The following KPNA7 variants were observed in gnomAD, a reference collection of about 807,000 sequenced individuals.
The protein encoded by KPNA7 is karyopherin subunit alpha 7.
Under a neutral mutation model 53.7 loss-of-function variants are expected in KPNA7, and 54 were observed. That is an observed-to-expected ratio of 1.01 (90% CI 0.81 to 1.26). KPNA7 has a LOEUF of 1.26. KPNA7 is among the 50% of genes most tolerant of loss of function. KPNA7 has a pLI of 0.00. For missense variants in KPNA7, 640 were observed against 644.5 expected, an observed-to-expected ratio of 0.99 and a Z score of 0.07; for synonymous variants, 276 against 259.3, an observed-to-expected ratio of 1.06 and a Z score of -0.62.
downstream of KPNA7, among the ~76,000 whole-genome samples, chr7:99,170,610 G>A (rs1221934163): frequency 6.6e-6 from 1 of 152,128 alleles, no homozygotes; most frequent in Non-Finnish European, 1.5e-5. Context: ...CCAAAGTGCT[G>A]GAATTATAGG....
chr7:99,153,687 A>C, the KPNA7 span, among the ~76,000 whole-genome samples: 10 of 151,800 alleles, frequency 6.6e-5, no homozygotes, highest in East Asian at 2.0e-3. Flanking sequence ...TAAAGGTTCC[A>C]GATGGGTGCA....
intron 10 of KPNA7, among the ~76,000 whole-genome samples, chr7:99,177,371 C>T (rs1283608185): frequency 6.6e-6 from 1 of 151,854 alleles, no homozygotes; most frequent in Non-Finnish European, 1.5e-5. Context: ...TCACTTGAGG[C>T]CAGGAGTTTG....
upstream of KPNA7, among the ~76,000 whole-genome samples, chr7:99,208,724 A>T (rs1790944587): frequency 6.6e-6 from 1 of 152,216 alleles, no homozygotes. Context: ...TCACCACACC[A>T]GCTCAGTAGG....
rs1003684685 is a variant in KPNA7 at position 99,187,163 on chromosome 7, G to T, written c.900+1137C>A. 4.6e-5 allele frequency among the ~76,000 whole-genome samples: 7 copies of T among 152,046 alleles called. No homozygotes were observed. The South Asian group carries it at 1.5e-3, about 32-fold the overall frequency. ...TTAGCTGGGCGTGATGGTAGTGGGTGCCTGTGATCCCAGCTACTCAGGAGG... is the reference window on the plus strand; with the variant it reads ...TTAGCTGGGCGTGATGGTAGTGGGTTCCTGTGATCCCAGCTACTCAGGAGG... On this transcript the variant is annotated intron_variant, in intron 7 of 10. Coordinates refer to ENST00000327442, the MANE Select transcript of KPNA7 (RefSeq NM_001145715.3).
chr7:99,177,399 A>C (rs944099393), intron 10 of KPNA7, among the ~76,000 whole-genome samples: 1 of 152,074 alleles, frequency 6.6e-6, no homozygotes, highest in African/African-American at 2.4e-5. Context: ...CCTGGCTAAC[A>C]CAGGGAAACC....
At chr7:99,208,572 T>A (rs1349131089), upstream of KPNA7, among the ~76,000 whole-genome samples, 1 of 150,020 alleles carries the variant, frequency 6.7e-6, no homozygotes, top group East Asian at 2.0e-4. Flanking sequence ...GGCTTATTTT[T>A]GGTTTTGTTT....
the KPNA7 span, among the ~76,000 whole-genome samples, chr7:99,165,014 G>A: frequency 2.6e-5 from 4 of 152,124 alleles, no homozygotes; most frequent in South Asian, 2.1e-4. Context: ...GGTGGCATGT[G>A]CCTGTAATCC....
chr7:99,183,068 C>T, intron 8 of KPNA7, among the ~76,000 whole-genome samples: 1 of 152,016 alleles, frequency 6.6e-6, no homozygotes, highest in East Asian at 1.9e-4. Context: ...CTAGCCTGGG[C>T]AACATGGTGA....
the KPNA7 span, among the ~76,000 whole-genome samples, chr7:99,159,145 G>A: frequency 1.3e-5 from 2 of 151,964 alleles, no homozygotes; most frequent in African/African-American, 2.4e-5. Flanking sequence ...GATTACATGC[G>A]TGAGCCACCA....
At chr7:99,163,783 A>C in the KPNA7 span, among the ~76,000 whole-genome samples, 2 of 152,126 alleles carry the variant, frequency 1.3e-5, no homozygotes. Context: ...ACAGAATGGG[A>C]CTTAATCTTT....
intron 9 of KPNA7, among the ~76,000 whole-genome samples, chr7:99,180,545 CTCCG>C (rs1373343824): frequency 4.8e-3 from 183 of 37,792 alleles, no homozygotes; most frequent in African/African-American, 8.8e-3. Context: ...CTCCGTCTGT[CTCCG>C]TCTGTCTCTG....
upstream of KPNA7, among the ~76,000 whole-genome samples, chr7:99,212,215 G>A (rs1285535396): frequency 6.8e-6 from 1 of 146,420 alleles, no homozygotes; most frequent in African/African-American, 2.5e-5. Flanking sequence ...AAACACTGGT[G>A]TCCGATCCAC....
rs965297583 is a variant in KPNA7 at position 99,177,847 on chromosome 7, C to T, written c.1464+73G>A. On this transcript the variant is annotated intron_variant, in intron 10 of 10. Transcript: ENST00000327442. Reference sequence around the variant, plus strand: ...CTGCCACACGCAACAGCCCAGGCCCCGGCAGGGTGACCCTCTGCAGAGCTG... The same window carrying T: ...CTGCCACACGCAACAGCCCAGGCCCTGGCAGGGTGACCCTCTGCAGAGCTG... 4.4e-5 allele frequency: 65 copies of T among 1,489,828 alleles called. No homozygotes were observed. The Middle Eastern group carries it at 5.5e-4, about 13-fold the overall frequency. The allele number at this position is 1,489,828 out of a possible 1,614,324, so 92.3% of individuals were successfully genotyped here.
At chr7:99,179,942 G>A (rs1468058153) in intron 9 of KPNA7, among the ~76,000 whole-genome samples, 1 of 152,118 alleles carries the variant, frequency 6.6e-6, no homozygotes, top group Non-Finnish European at 1.5e-5. Context: ...CTGCCCTGAT[G>A]ATCCCTGACC....
intron 6 of KPNA7, among the ~76,000 whole-genome samples, chr7:99,191,463 C>G (rs1413849499): frequency 1.3e-5 from 2 of 152,176 alleles, no homozygotes; most frequent in Non-Finnish European, 2.9e-5. Context: ...CTACGGCAGG[C>G]AACCAGAAGG....
intron 9 of KPNA7, among the ~76,000 whole-genome samples, chr7:99,179,551 G>A (rs1799067357): frequency 6.6e-6 from 1 of 151,214 alleles, no homozygotes; most frequent in Admixed American, 6.6e-5. Context: ...GTGAGATCCT[G>A]TTTCAAAATA....
the KPNA7 span, among the ~76,000 whole-genome samples, chr7:99,161,244 TC>T: frequency 2.8e-4 from 3 of 10,852 alleles, no homozygotes; most frequent in African/African-American, 3.6e-4. Flanking sequence ...TCTCTCTCTC[TC>T]TCTCTCTCTC....
At chr7:99,191,731 C>A (rs1289627072) in intron 6 of KPNA7, among the ~76,000 whole-genome samples, 1 of 152,086 alleles carries the variant, frequency 6.6e-6, no homozygotes, top group Non-Finnish European at 1.5e-5. Context: ...CTCACTGCAA[C>A]CTTCGCCTCC....
Position 99,196,166 on chromosome 7 carries a change from C to T in KPNA7, c.202G>A (p.Val68Ile). 1.3e-6 allele frequency: 2 copies of T among 1,551,094 alleles called. No homozygotes were observed. The highest frequency in any genetic ancestry group is 8.7e-7 in the Non-Finnish European group (1 of 1,146,444). Residue 68 changes from valine to isoleucine, a missense_variant and splice_region_variant, in exon 4 of 11, where the codon GTC (valine) becomes ATC (isoleucine). By Grantham distance (29) the Val-to-Ile change is conservative. Transcript: ENST00000327442. ...ATTATTTCACCCAGAGTGAGGCTGA[C>T]CTGCAAGAAGAGACACATTCAGGTC... ...PSEKTAKGVAVSLTLGEIIKG... is the reference protein window; with the variant it reads ...PSEKTAKGVAISLTLGEIIKG...
Sources: gnomAD v4.1 joint callset for allele counts (sites outside exome capture counted in the v4.1 genomes callset) on GRCh38, gnomAD v4.1.1 for gene constraint, MANE v1.5 for transcripts, NCBI Gene and HGNC (gene_info 2026-07-23, HGNC 2026-07-21) for gene names.